RBM6: variants seen among roughly 807,000 people sequenced by gnomAD.
The protein encoded by RBM6 is RNA binding motif protein 6, also known as RNA-binding protein 6.
A neutral mutation model predicts 140.4 loss-of-function variants in RBM6; 23 were observed. The ratio of observed to expected loss-of-function variants is 0.16; its 90% CI spans 0.12 to 0.23. The LOEUF (loss-of-function observed/expected upper bound fraction) is 0.23, where lower values mean the gene tolerates loss of function less well. Ranked by LOEUF, RBM6 falls within the 10% of genes least tolerant of loss-of-function variation. The pLI is 1.00. For synonymous variants in RBM6, 439 were observed against 475.6 expected, an observed-to-expected ratio of 0.92 and a Z score of 1.00; for missense variants, 1,139 against 1,386.7, an observed-to-expected ratio of 0.82 and a Z score of 2.84.
At chr3:49,964,821 A>G (rs545419151) in intron 2 of RBM6, among the ~76,000 whole-genome samples, 1 of 152,342 alleles carries the variant, frequency 6.6e-6, no homozygotes, top group Non-Finnish European at 1.5e-5. Flanking sequence ...TTTATTGTCT[A>G]ACTTTTTTCA....
chr3:50,059,122 G>A (rs2089837067), intron 10 of RBM6, among the ~76,000 whole-genome samples: 1 of 152,108 alleles, frequency 6.6e-6, no homozygotes, highest in Non-Finnish European at 1.5e-5. Flanking sequence ...CGCTTGTGAA[G>A]AATCTGAGTA....
intron 20 of RBM6, among the ~76,000 whole-genome samples, chr3:50,076,087 A>G (rs923781093): frequency 1.3e-5 from 2 of 150,274 alleles, no homozygotes; most frequent in Non-Finnish European, 3.0e-5. Context: ...TCCCACCCCA[A>G]CCTCCTGAGT....
intron 5 of RBM6, among the ~76,000 whole-genome samples, chr3:49,979,531 C>T (rs2085210563): frequency 6.6e-6 from 1 of 151,286 alleles, no homozygotes; most frequent in African/African-American, 2.4e-5. Flanking sequence ...CCTCCATCTC[C>T]CGGGTTCAAA....
chr3:50,049,234 G>GAGT (rs1156814069), intron 7 of RBM6, among the ~76,000 whole-genome samples: 1 of 151,542 alleles, frequency 6.6e-6, no homozygotes, highest in Non-Finnish European at 1.5e-5. Context: ...CCAGCCTCCC[G>GAGT]AGTAGCTAGG....
At chr3:50,057,645 A>C (rs1217504447) in intron 8 of RBM6, 83 bp from the exon 9 acceptor site, 2 of 1,145,272 alleles carry the variant, frequency 1.7e-6, no homozygotes, top group Non-Finnish European at 2.4e-6. Context: ...GCAGGTAAGG[A>C]GAAATTACAG....
intron 5 of RBM6, among the ~76,000 whole-genome samples, chr3:49,990,233 G>A (rs2085758307): frequency 6.6e-6 from 1 of 152,144 alleles, no homozygotes; most frequent in African/African-American, 2.4e-5. Flanking sequence ...CAAACTAGAT[G>A]TTATAGCCTA....
intron 19 of RBM6, among the ~76,000 whole-genome samples, chr3:50,070,861 C>T (rs1409750844): frequency 1.3e-5 from 2 of 152,212 alleles, no homozygotes; most frequent in Non-Finnish European, 2.9e-5. Context: ...ATGTCACACT[C>T]TTGGGCTTTT....
chr3:50,060,325 C>CT (rs1179910876), intron 11 of RBM6, among the ~76,000 whole-genome samples: 1 of 152,182 alleles, frequency 6.6e-6, no homozygotes, highest in African/African-American at 2.4e-5. Flanking sequence ...CTTCACTCAT[C>CT]TTGACCCAGG....
intron 8 of RBM6, among the ~76,000 whole-genome samples, chr3:50,054,884 C>G (rs1053530515): frequency 1.3e-5 from 2 of 152,034 alleles, no homozygotes; most frequent in Admixed American, 1.3e-4. Context: ...AGTGCAGTGG[C>G]GCAATCTCGG....
chr3:49,945,756 C>T (rs1417034874), intron 1 of RBM6, among the ~76,000 whole-genome samples: 1 of 151,662 alleles, frequency 6.6e-6, no homozygotes, highest in Non-Finnish European at 1.5e-5. Context: ...GCGGCATGCA[C>T]CTGTAGTCCC....
At chr3:50,060,575 G>A (rs1040009936) in intron 11 of RBM6, among the ~76,000 whole-genome samples, 6 of 124,192 alleles carry the variant, frequency 4.8e-5, no homozygotes, top group Non-Finnish European at 5.0e-5. Context: ...GTAAAACCCC[G>A]TCTCTACTAA....
intron 5 of RBM6, among the ~76,000 whole-genome samples, chr3:49,993,032 C>T (rs2085896460): frequency 6.6e-6 from 1 of 151,972 alleles, no homozygotes; most frequent in South Asian, 2.1e-4. Flanking sequence ...AATAATTACT[C>T]CCCCTTTTGA....
In RBM6 at chr3:49,968,741, A is replaced by G. The variant is rs1460808778; in HGVS notation, c.1316A>G (p.Asp439Gly). Reference sequence around the variant, plus strand: ...AAAACTGCCCGAGATGCCCAACGGGACCTTCAGGTATGTTGATGGGGTGGA... The same window carrying G: ...AAAACTGCCCGAGATGCCCAACGGGGCCTTCAGGTATGTTGATGGGGTGGA... ...EGKTARDAQR[D>G]LQDQDYRTGP... Residue 439 changes from aspartate (D) to glycine (G), a missense_variant, in exon 3 of 21, where the codon GAC becomes GGC. Around this residue, in one of 9 missense-constraint regions of RBM6, gnomAD observed 566 missense variants for 612.7 expected, o/e 0.92. Transcript: ENST00000266022. 4 of 1,365,076 alleles carry G rather than the reference A, an allele frequency of 2.9e-6. No individual in the cohort carries two copies. Among genetic ancestry groups the G allele is most frequent in the Non-Finnish European group, 4.0e-6 (4 of 994,050 alleles). 84.6% of individuals were successfully genotyped at this position (1,365,076 alleles called of 1,614,324 possible).
At chr3:50,016,828 T>TG (rs528006741) in intron 6 of RBM6, among the ~76,000 whole-genome samples, 59,913 of 134,904 alleles carry the variant, frequency 0.44, 13,760 homozygotes, top group East Asian at 0.85. Context: ...CCTAGCGTTT[T>TG]TTTTTTTTTT....
chr3:49,963,238 ATTTG>A (rs1343775717), intron 2 of RBM6, among the ~76,000 whole-genome samples: 4 of 151,710 alleles, frequency 2.6e-5, no homozygotes, highest in African/African-American at 7.3e-5. Flanking sequence ...AATTTTATTT[ATTTG>A]TTTGTTTTTT....
intron 5 of RBM6, among the ~76,000 whole-genome samples, chr3:49,990,051 A>G (rs1274761577): frequency 6.6e-6 from 1 of 152,146 alleles, no homozygotes; most frequent in Non-Finnish European, 1.5e-5. Flanking sequence ...CTGGCCTTTA[A>G]TTTTAATTTC....
At chr3:49,977,034 T>C (rs1169922056) in intron 5 of RBM6, among the ~76,000 whole-genome samples, 1 of 152,240 alleles carries the variant, frequency 6.6e-6, no homozygotes, top group Non-Finnish European at 1.5e-5. Context: ...ACAAATAGGA[T>C]GAACTTTTGA....
At chr3:49,979,096 C>A (rs2085186369) in intron 5 of RBM6, among the ~76,000 whole-genome samples, 1 of 152,058 alleles carries the variant, frequency 6.6e-6, no homozygotes, top group African/African-American at 2.4e-5. Context: ...TATACACTAC[C>A]ATAAGGAGGA....
chr3:50,072,511 G>C (rs1316088434), intron 19 of RBM6, among the ~76,000 whole-genome samples: 3 of 152,184 alleles, frequency 2.0e-5, no homozygotes, highest in African/African-American at 4.8e-5. Context: ...CCTTGAGGAG[G>C]CTGGACAGGT....
Sources: gnomAD v4.1 joint callset for allele counts (sites outside exome capture counted in the v4.1 genomes callset) on GRCh38, gnomAD v4.1.1 for gene constraint, gnomAD v4.1.1 regional missense constraint, MANE v1.5 for transcripts, NCBI Gene and HGNC (gene_info 2026-07-23, HGNC 2026-07-21) for gene names.